The following SLC25A6 variants were observed in gnomAD, a reference collection of about 807,000 sequenced individuals.
The protein encoded by SLC25A6 is ADP/ATP translocase 3.
Under a neutral mutation model 25.7 loss-of-function variants are expected in SLC25A6, and 9 were observed. The observed-to-expected ratio is 0.35, with a 90% CI of 0.21 to 0.61. The LOEUF (loss-of-function observed/expected upper bound fraction) is 0.61, where lower values mean the gene tolerates loss of function less well. Ranked by LOEUF, SLC25A6 falls within the 20% of genes least tolerant of loss-of-function variation. The probability of loss-of-function intolerance (pLI) is 0.76; values close to 1 mark genes in which losing one functional copy is unlikely to be tolerated. For synonymous variants in SLC25A6, 223 were observed against 197.0 expected, an observed-to-expected ratio of 1.13 and a Z score of -1.11; for missense variants, 404 against 440.5, an observed-to-expected ratio of 0.92 and a Z score of 0.74.
chrX:1,387,816 TGAAAGAG>T (rs1230331439), intron 2 of SLC25A6, among the ~76,000 whole-genome samples: 1 of 151,986 alleles, frequency 6.6e-6, no homozygotes, highest in Non-Finnish European at 1.5e-5. Flanking sequence ...TATAAGGTCT[TGAAAGAG>T]GTAAGACTAA....
intron 2 of SLC25A6, among the ~76,000 whole-genome samples, chrX:1,387,740 T>C (rs1326380983): frequency 6.6e-6 from 1 of 152,150 alleles, no homozygotes; most frequent in African/African-American, 2.4e-5. Context: ...TTACACTCTG[T>C]CCTCAAAATC....
chrX:1,391,799 C>G, intron 1 of SLC25A6, 100 bp downstream of exon 1: 2 of 893,312 alleles, frequency 2.2e-6, no homozygotes, highest in South Asian at 1.6e-5. Context: ...CTTCCACTTC[C>G]GGCGCCCGCC....
At chrX:1,388,330 G>A (rs111338474) in intron 2 of SLC25A6, among the ~76,000 whole-genome samples, 1 of 150,346 alleles carries the variant, frequency 6.7e-6, no homozygotes, top group Admixed American at 6.7e-5. Context: ...GCCTCAAATG[G>A]ACTAAGACAT....
At chrX:1,389,050 C>T (rs1186357958) in intron 2 of SLC25A6, among the ~76,000 whole-genome samples, 191 bp downstream of exon 2, 5 of 151,678 alleles carry the variant, frequency 3.3e-5, no homozygotes, top group Admixed American at 3.3e-4. Context: ...AGGATGAGGA[C>T]ACAGACACAC....
At chrX:1,387,602 G>A (rs1374993559) in intron 2 of SLC25A6, among the ~76,000 whole-genome samples, 183 bp from the exon 3 acceptor site, 1 of 151,832 alleles carries the variant, frequency 6.6e-6, no homozygotes, top group Admixed American at 6.6e-5. Context: ...TCGGGGCAGG[G>A]CCAGAGGGGA....
Position 1,391,179 on chromosome X carries a change from G to A in SLC25A6, c.111+720C>T, listed in dbSNP as rs2089404241. On this transcript the variant is annotated intron_variant, in intron 1 of 3. Coordinates refer to ENST00000381401, the MANE Select transcript of SLC25A6 (RefSeq NM_001636.4). ...GAGGTCTTGCTGTGTGGCCCCGGCT[G>A]CTCTCAAACTCCTGGCCTCAAGCAA... Among the ~76,000 whole-genome samples the A allele has an allele frequency of 2.6e-5, 4 of 152,088 alleles. No individual in the cohort carries two copies. In the Middle Eastern group the frequency reaches 0.014, roughly 517 times the overall value.
chrX:1,388,652 G>C (rs2089359414), intron 2 of SLC25A6, among the ~76,000 whole-genome samples: 1 of 151,996 alleles, frequency 6.6e-6, no homozygotes, highest in Non-Finnish European at 1.5e-5. Context: ...CCAGGAGAGA[G>C]GCCTCAGGAG....
intron 1 of SLC25A6, among the ~76,000 whole-genome samples, chrX:1,391,296 G>C (rs2089406392): frequency 6.6e-6 from 1 of 152,074 alleles, no homozygotes; most frequent in African/African-American, 2.4e-5. Context: ...GCTGTCACTC[G>C]GAGTACAACG....
At position 1,391,960 on chromosome X, in the gene SLC25A6, A is replaced by G. The variant is rs2089420234; in HGVS notation, c.50T>C (p.Ile17Thr). The G allele has an allele frequency of 1.9e-6, 3 of 1,609,802 alleles. No individual in the cohort carries two copies. Among genetic ancestry groups the G allele is most frequent in the East Asian group, 4.5e-5 (2 of 44,804 alleles). The change falls in exon 1 of 4, where the codon ATC becomes ACC. Residue 17 changes from isoleucine to threonine, a missense_variant. Transcript: ENST00000381401. ...GGCCGTCTTGGAGATGGCGGCGGCGATGCCTCCGGCCAAGAAGTCTTTGGC... is the reference window on the plus strand; with the variant it reads ...GGCCGTCTTGGAGATGGCGGCGGCGGTGCCTCCGGCCAAGAAGTCTTTGGC... ...SFAKDFLAGG[I>T]AAAISKTAVA...
At position 1,392,091 on chromosome X, in the gene SLC25A6, C is replaced by G; in HGVS notation, c.-82G>C. ...AATGGAGGGCGTCGCTGGCTCAGCC[C>G]TGCCGCCGCCTGGACCGAAAGGACG... is the stretch of plus-strand genomic sequence containing the variant. On this transcript the variant is annotated 5_prime_UTR_variant, in exon 1 of 4. Transcript: ENST00000381401. The G allele has an allele frequency of 9.9e-7, 1 of 1,012,826 alleles. No individual in the cohort carries two copies. Among genetic ancestry groups the G allele is most frequent in the Non-Finnish European group, 1.5e-6 (1 of 670,308 alleles). The allele number at this position is 1,012,826 out of a possible 1,614,324, so 62.7% of individuals were successfully genotyped here. A position where few individuals can be genotyped will look rare whatever the true frequency, so the allele number is the denominator to read the frequency against.
Position 1,389,554 on chromosome X carries a change from G to A in SLC25A6, c.285C>T (p.Tyr95=), listed in dbSNP as rs1432445615. ...CCACGCCCCCCAGGAAGATCTGCTT[G>A]TACTTATCCTTGAAGGCGAAGTTGA... The part of the protein sequence containing the change: ...QALNFAFKDK[Y]KQIFLGGVDK... The change falls in exon 2 of 4, where the codon TAC becomes TAT. Residue 95 remains tyrosine, a synonymous_variant. Coordinates refer to ENST00000381401, the MANE Select transcript of SLC25A6 (RefSeq NM_001636.4). 6.2e-7 allele frequency: 1 copy of A among 1,614,100 alleles called. No individual in the cohort carries two copies. Among genetic ancestry groups the A allele is most frequent in the African/African-American group, 1.3e-5 (1 of 74,944 alleles).
intron 1 of SLC25A6, among the ~76,000 whole-genome samples, chrX:1,390,877 C>T (rs1267366780): frequency 1.3e-5 from 2 of 151,860 alleles, no homozygotes; most frequent in East Asian, 3.9e-4. Flanking sequence ...CTCCTGAGCT[C>T]AGGCGATCCT....
In SLC25A6 at chrX:1,391,893, C is replaced by G. The variant is rs2089419138; in HGVS notation, c.111+6G>C. The G allele has an allele frequency of 6.3e-7, 1 of 1,594,916 alleles. No homozygotes were observed. Among genetic ancestry groups the G allele is most frequent in the Non-Finnish European group, 8.5e-7 (1 of 1,172,598 alleles). ...GTCCCCGGAGCGGCCGCGCCCGCGT[C>G]CCCACCTGCAGCAGCAGCTTGACCC... is the stretch of plus-strand genomic sequence containing the variant. On this transcript the variant is annotated splice_donor_region_variant and intron_variant, in intron 1 of 3. Transcript: ENST00000381401.
At position 1,386,538 on chromosome X, in the gene SLC25A6, A is replaced by G. The variant is rs2089326267; in HGVS notation, c.*64T>C. 7.0e-7 allele frequency: 1 copy of G among 1,429,470 alleles called. No homozygotes were observed. The highest frequency in any genetic ancestry group is 9.2e-7 in the Non-Finnish European group (1 of 1,088,326). The allele number at this position is 1,429,470 out of a possible 1,614,324, so 88.5% of individuals were successfully genotyped here. A position where few individuals can be genotyped will look rare whatever the true frequency, so the allele number is the denominator to read the frequency against. Reference sequence around the variant, plus strand: ...CGAAGGTTGATGGTCCGCACGGTTGAGGATTCTACGTGGTTCTCTTGGTTC... The same window carrying G: ...CGAAGGTTGATGGTCCGCACGGTTGGGGATTCTACGTGGTTCTCTTGGTTC... On this transcript the variant is annotated 3_prime_UTR_variant, in exon 4 of 4. Transcript: ENST00000381401.
At chrX:1,391,507 C>A (rs1390455557) in intron 1 of SLC25A6, among the ~76,000 whole-genome samples, 1 of 152,240 alleles carries the variant, frequency 6.6e-6, no homozygotes, top group Admixed American at 6.5e-5. Context: ...CTTAGAATTA[C>A]CCTTCACGGT....
rs748499311 is a variant in SLC25A6, at chrX:1,386,561, T to C, written c.*41A>G. The C allele has an allele frequency of 2.0e-6, 3 of 1,472,954 alleles. No individual in the cohort carries two copies. Among genetic ancestry groups the C allele is most frequent in the Non-Finnish European group, 2.7e-6 (3 of 1,110,596 alleles). 91.2% of individuals were successfully genotyped at this position (1,472,954 alleles called of 1,614,324 possible). On this transcript the variant is annotated 3_prime_UTR_variant, in exon 4 of 4. Transcript: ENST00000381401. ...TGAGGATTCTACGTGGTTCTCTTGG[T>C]TCCCCTGGTGTGTGTGTGTGTGTGG...
At chrX:1,391,573 C>T (rs779443746) in intron 1 of SLC25A6, among the ~76,000 whole-genome samples, 1 of 152,234 alleles carries the variant, frequency 6.6e-6, no homozygotes, top group Non-Finnish European at 1.5e-5. Context: ...TGGTCCCAGC[C>T]GGGGGACCCG....
chrX:1,387,960 AAG>A (rs1569529133), intron 2 of SLC25A6, among the ~76,000 whole-genome samples: 1 of 147,674 alleles, frequency 6.8e-6, no homozygotes, highest in Non-Finnish European at 1.5e-5. Flanking sequence ...ACAAGCCAAA[AAG>A]AGAGGCCTCA....
rs764023051 is a variant in SLC25A6, at chrX:1,386,586, G to A, written c.*16C>T. 6.5e-7 allele frequency: 1 copy of A among 1,536,856 alleles called. No homozygotes were observed. The highest frequency in any genetic ancestry group is 2.4e-5 in the East Asian group (1 of 41,436). ...TTCCCCTGGTGTGTGTGTGTGTGTG[G>A]AGGAGGCCGCGGCCCTTAGATCACC... On this transcript the variant is annotated 3_prime_UTR_variant, in exon 4 of 4. Coordinates refer to ENST00000381401, the MANE Select transcript of SLC25A6 (RefSeq NM_001636.4).
Sources: allele counts gnomAD v4.1 joint callset (sites outside exome capture counted in the v4.1 genomes callset), GRCh38; gene constraint gnomAD v4.1.1; transcripts MANE v1.5; gene names NCBI Gene and HGNC (gene_info 2026-07-23, HGNC 2026-07-21).